The following SV2C variants were observed in gnomAD, a reference collection of about 807,000 sequenced individuals.
SV2C encodes synaptic vesicle glycoprotein 2C.
A neutral mutation model predicts 79.7 loss-of-function variants in SV2C; 49 were observed. The ratio of observed to expected loss-of-function variants is 0.61; its 90% CI spans 0.49 to 0.78. The LOEUF is 0.78. SV2C is among the 30% of genes least tolerant of loss of function. SV2C has a pLI of 0.00. For missense variants in SV2C, 833 were observed against 912.9 expected, an observed-to-expected ratio of 0.91 and a Z score of 1.13; for synonymous variants, 334 against 333.2, an observed-to-expected ratio of 1.00 and a Z score of -0.03.
At chr5:76,324,802 G>A (rs546844438) in intron 12 of SV2C, among the ~76,000 whole-genome samples, 29 of 152,050 alleles carry the variant, frequency 1.9e-4, no homozygotes, top group Admixed American at 1.6e-3. Flanking sequence ...GCTGCAGTGA[G>A]TTATCATTGT....
At chr5:76,171,047 C>T (rs1743220227) in intron 2 of SV2C, 1 of 147,198 alleles carries the variant, frequency 6.8e-6, no homozygotes, top group Non-Finnish European at 1.2e-5. Context: ...GCGAGCGCCG[C>T]CCGGGAGGCA....
intron 3 of SV2C, among the ~76,000 whole-genome samples, chr5:76,208,925 A>T (rs957332916): frequency 6.6e-6 from 1 of 152,182 alleles, no homozygotes; most frequent in African/African-American, 2.4e-5. Context: ...TCTATGGCCC[A>T]TCTCCTAAAA....
chr5:76,033,057 G>A, the SV2C span, among the ~76,000 whole-genome samples: 12 of 152,236 alleles, frequency 7.9e-5, no homozygotes, highest in African/African-American at 2.9e-4. Flanking sequence ...TTTGAGAAGT[G>A]TCTGTTCATG....
chr5:76,039,099 C>G, the SV2C span, among the ~76,000 whole-genome samples: 1 of 152,358 alleles, frequency 6.6e-6, no homozygotes, highest in Non-Finnish European at 1.5e-5. Context: ...GAAATGGACA[C>G]ACCTTGGAGA....
At chr5:76,156,734 A>G (rs1470173888) in intron 2 of SV2C, among the ~76,000 whole-genome samples, 2 of 152,202 alleles carry the variant, frequency 1.3e-5, no homozygotes, top group Admixed American at 1.3e-4. Context: ...TTAAAAAAGA[A>G]CCAAATGAAC....
At chr5:76,084,280 G>A (rs961794609) in intron 1 of SV2C, 1 of 152,366 alleles carries the variant, frequency 6.6e-6, no homozygotes, top group Non-Finnish European at 1.5e-5. Context: ...GCTCAGAGGG[G>A]AGAGGGACCA....
the SV2C span, among the ~76,000 whole-genome samples, chr5:76,047,425 G>A: frequency 6.6e-6 from 1 of 152,176 alleles, no homozygotes; most frequent in Non-Finnish European, 1.5e-5. Context: ...GCCAATGGCT[G>A]CAGTTTGTGT....
intron 12 of SV2C, among the ~76,000 whole-genome samples, chr5:76,348,400 C>CA (rs1749582732): frequency 6.6e-6 from 1 of 152,220 alleles, no homozygotes; most frequent in African/African-American, 2.4e-5. Flanking sequence ...CTGCTATAAA[C>CA]ATCCATATGC....
chr5:76,353,192 G>C, exon 13 of SV2C: 1 of 413,218 alleles, frequency 2.4e-6, no homozygotes, highest in Non-Finnish European at 5.0e-6. Flanking sequence ...CAATCCTCCT[G>C]CCTCAGCCTC....
chr5:75,969,184 A>G, the SV2C span, among the ~76,000 whole-genome samples: 9 of 152,170 alleles, frequency 5.9e-5, no homozygotes, highest in Admixed American at 5.9e-4. Flanking sequence ...AGCACTAAAC[A>G]AGGAAAGGAA....
the SV2C span, among the ~76,000 whole-genome samples, chr5:76,071,358 A>T: frequency 6.6e-6 from 1 of 152,244 alleles, no homozygotes; most frequent in African/African-American, 2.4e-5. Flanking sequence ...CGATGCATAT[A>T]AAAGTGGGCA....
chr5:76,116,116 G>A (rs1210102960), intron 1 of SV2C, among the ~76,000 whole-genome samples: 2 of 152,204 alleles, frequency 1.3e-5, no homozygotes, highest in East Asian at 1.9e-4. Flanking sequence ...CTAGCCATGT[G>A]TGGTCATTTG....
chr5:75,857,074 C>T, the SV2C span, among the ~76,000 whole-genome samples: 2 of 151,482 alleles, frequency 1.3e-5, no homozygotes, highest in Admixed American at 6.6e-5. Flanking sequence ...TCTCCTGCCT[C>T]AGCCTCCCAA....
At chr5:75,915,974 G>T in the SV2C span, among the ~76,000 whole-genome samples, 1 of 152,140 alleles carries the variant, frequency 6.6e-6, no homozygotes, top group African/African-American at 2.4e-5. Flanking sequence ...AAGGAGTGGA[G>T]AGAGACAGGT....
At chr5:76,282,179 G>T (rs1254111620) in intron 4 of SV2C, among the ~76,000 whole-genome samples, 34 of 152,164 alleles carry the variant, frequency 2.2e-4, no homozygotes, top group Non-Finnish European at 4.4e-5. Context: ...CACGTAAATG[G>T]CAATGCAGAT....
intron 2 of SV2C, among the ~76,000 whole-genome samples, chr5:76,148,659 G>A (rs1749509007): frequency 6.6e-6 from 1 of 152,072 alleles, no homozygotes. Flanking sequence ...TCACTATCTT[G>A]CCCAGGCTGG....
intron 2 of SV2C, among the ~76,000 whole-genome samples, chr5:76,159,700 CTTCTT>C (rs1383707841): frequency 6.6e-6 from 1 of 152,066 alleles, no homozygotes; most frequent in Non-Finnish European, 1.5e-5. Context: ...TCTCTCTTCT[CTTCTT>C]GTAATTGCAC....
At chr5:75,947,469 G>A in the SV2C span, among the ~76,000 whole-genome samples, 1 of 151,898 alleles carries the variant, frequency 6.6e-6, no homozygotes, top group South Asian at 2.1e-4. Flanking sequence ...ATAGACCTAA[G>A]ACTCTTCTTT....
the SV2C span, among the ~76,000 whole-genome samples, chr5:75,993,369 C>T: frequency 5.5e-4 from 83 of 152,022 alleles, 1 homozygote; most frequent in South Asian, 0.016. Context: ...CTATGCAAAG[C>T]GAGCATGGCC....
Sources: gnomAD v4.1 joint callset for allele counts (sites outside exome capture counted in the v4.1 genomes callset) on GRCh38, gnomAD v4.1.1 for gene constraint, MANE v1.5 for transcripts, NCBI Gene and HGNC (gene_info 2026-07-23, HGNC 2026-07-21) for gene names.